COL25A1: variants seen among roughly 807,000 people sequenced by gnomAD.
COL25A1 encodes collagen alpha-1(XXV) chain.
Under a neutral mutation model 128.4 loss-of-function variants are expected in COL25A1, and 103 were observed. The ratio of observed to expected loss-of-function variants is 0.80; its 90% CI spans 0.68 to 0.94. The LOEUF (loss-of-function observed/expected upper bound fraction) is 0.94, where lower values mean the gene tolerates loss of function less well. COL25A1 is among the 40% of genes least tolerant of loss of function. The pLI, the probability that COL25A1 is intolerant of heterozygous loss-of-function variation, is 0.00. For missense variants in COL25A1, 745 were observed against 840.0 expected, an observed-to-expected ratio of 0.89 and a Z score of 1.40; for synonymous variants, 279 against 277.2, an observed-to-expected ratio of 1.01 and a Z score of -0.06.
At position 109,084,035 on chromosome 4, in the gene COL25A1, A is replaced by T. The variant is rs116183487; in HGVS notation, c.368-33856T>A. Among the ~76,000 whole-genome samples the T allele has an allele frequency of 9.3e-3, 1,417 of 152,262 alleles. 25 individuals are homozygous for T. Among genetic ancestry groups the T allele is most frequent in the African/African-American group, 0.032 (1,338 of 41,544 alleles). ...AAAAAGGAATAATCCACTACACAAG[A>T]CTCATTTTGTGTCACAAACTCTACA... On this transcript the variant is annotated intron_variant, in intron 3 of 37. Transcript: ENST00000399132.
chr4:109,128,593 T>C (rs113755624), intron 3 of COL25A1, among the ~76,000 whole-genome samples: 21 of 152,298 alleles, frequency 1.4e-4, no homozygotes, highest in African/African-American at 4.1e-4. Context: ...GTTCGGGTCT[T>C]AAGCATGAGC....
At position 108,994,128 on chromosome 4, in the gene COL25A1, G is replaced by A. The variant is rs566085883; in HGVS notation, c.438+16230C>T. ...TTGGGCAGTGGGTGCAGCCCACAGA[G>A]GGCTACCTGAAGCAGGGAGGGGCAT... On this transcript the variant is annotated intron_variant, in intron 6 of 37. Coordinates refer to ENST00000399132, the MANE Select transcript of COL25A1 (RefSeq NM_198721.4). Among the ~76,000 whole-genome samples the A allele has an allele frequency of 5.3e-5, 8 of 152,300 alleles. No homozygotes were observed. In the East Asian group the frequency reaches 1.5e-3, roughly 29 times the overall value.
At chr4:109,216,711 A>T (rs6843308) in intron 3 of COL25A1, among the ~76,000 whole-genome samples, 13,145 of 152,184 alleles carry the variant, frequency 0.086, 1,184 homozygotes, top group African/African-American at 0.23. Context: ...GGCCCTGCCA[A>T]CATCTTGATT....
At chr4:108,927,707 C>T (rs1425870003) in intron 11 of COL25A1, among the ~76,000 whole-genome samples, 1 of 152,126 alleles carries the variant, frequency 6.6e-6, no homozygotes, top group Non-Finnish European at 1.5e-5. Context: ...TTCTCTATCT[C>T]ATGTGCTGAA....
intron 3 of COL25A1, among the ~76,000 whole-genome samples, chr4:109,210,187 A>T (rs1479858885): frequency 6.6e-6 from 1 of 152,160 alleles, no homozygotes; most frequent in Non-Finnish European, 1.5e-5. Context: ...CTCAAAAAAA[A>T]ATCACTAAGA....
chr4:109,192,383 C>T (rs1350164263), intron 3 of COL25A1, among the ~76,000 whole-genome samples: 3 of 152,062 alleles, frequency 2.0e-5, no homozygotes, highest in Non-Finnish European at 2.9e-5. Flanking sequence ...CAGTTATCAG[C>T]GGGAACAGGC....
chr4:109,196,230 C>T (rs1432985528), intron 3 of COL25A1, among the ~76,000 whole-genome samples: 2 of 152,128 alleles, frequency 1.3e-5, no homozygotes, highest in African/African-American at 4.8e-5. Flanking sequence ...AATCAGACAG[C>T]CTTCCTTTCC....
At chr4:108,901,250 C>T (rs1006907582) in intron 13 of COL25A1, 78 bp from the exon 14 acceptor site, 1 of 976,624 alleles carries the variant, frequency 1.0e-6, no homozygotes, top group Non-Finnish European at 1.6e-6. Context: ...AGGAGACAGC[C>T]ATCTAATAAT....
intron 3 of COL25A1, among the ~76,000 whole-genome samples, chr4:109,127,816 G>A (rs572373308): frequency 6.6e-6 from 1 of 152,098 alleles, no homozygotes; most frequent in Non-Finnish European, 1.5e-5. Context: ...GCTGCTTTGC[G>A]AGTAGAAAAA....
intron 19 of COL25A1, among the ~76,000 whole-genome samples, chr4:108,873,403 G>A (rs1739004709): frequency 6.6e-6 from 1 of 152,096 alleles, no homozygotes; most frequent in Non-Finnish European, 1.5e-5. Flanking sequence ...GCTTAGTTAA[G>A]ACTTACCATA....
intron 3 of COL25A1, among the ~76,000 whole-genome samples, chr4:109,224,615 A>G (rs1778659193): frequency 6.6e-6 from 1 of 152,180 alleles, no homozygotes; most frequent in South Asian, 2.1e-4. Flanking sequence ...TCAGTAGAAG[A>G]GTGATTCTCA....
intron 3 of COL25A1, among the ~76,000 whole-genome samples, chr4:109,211,262 ATATATATGAAACT>A (rs1777494309): frequency 2.1e-5 from 1 of 48,748 alleles, no homozygotes; most frequent in Non-Finnish European, 3.0e-5. Context: ...ATATATATGT[ATATATATGAAACT>A]ATATATATAT....
intron 30 of COL25A1, among the ~76,000 whole-genome samples, chr4:108,842,779 G>A (rs1362802191): frequency 3.9e-5 from 6 of 152,060 alleles, no homozygotes; most frequent in African/African-American, 1.2e-4. Context: ...CTATCTTATA[G>A]TAGAGGGAGT....
intron 8 of COL25A1, chr4:108,942,404 C>A: frequency 1.4e-6 from 1 of 731,260 alleles, no homozygotes; most frequent in Non-Finnish European, 2.3e-6. Flanking sequence ...ATCTGACATA[C>A]CATAAACAAA....
chr4:109,095,826 G>A lies in COL25A1; in HGVS notation c.368-45647C>T, dbSNP rs1343226285. 3.3e-5 allele frequency among the ~76,000 whole-genome samples: 5 copies of A among 152,118 alleles called. No individual in the cohort carries two copies. The East Asian group carries it at 9.6e-4, about 29-fold the overall frequency. ...GCACTTATATGGAAAAGTGAGAGAGGGGATCAGCTGTCATATGATCCCTGG... is the reference window on the plus strand; with the variant it reads ...GCACTTATATGGAAAAGTGAGAGAGAGGATCAGCTGTCATATGATCCCTGG... On this transcript the variant is annotated intron_variant, in intron 3 of 37. Transcript: ENST00000399132.
intron 19 of COL25A1, among the ~76,000 whole-genome samples, chr4:108,877,676 C>A (rs73840731): frequency 0.043 from 6,468 of 150,102 alleles, 374 homozygotes; most frequent in African/African-American, 0.13. Context: ...AAAAAAAAAA[C>A]AACACATGAA....
At chr4:109,150,038 A>G (rs1771342215) in intron 3 of COL25A1, among the ~76,000 whole-genome samples, 2 of 149,428 alleles carry the variant, frequency 1.3e-5, no homozygotes, top group Admixed American at 6.7e-5. Flanking sequence ...ATGTGTATGT[A>G]TGTGTGTATG....
intron 3 of COL25A1, among the ~76,000 whole-genome samples, chr4:109,216,575 G>C (rs1435392413): frequency 6.6e-6 from 1 of 152,084 alleles, no homozygotes; most frequent in African/African-American, 2.4e-5. Context: ...CACACAAAAG[G>C]AGGACAGCCA....
chr4:108,945,669 T>C (rs1748649468), intron 8 of COL25A1, among the ~76,000 whole-genome samples: 1 of 152,068 alleles, frequency 6.6e-6, no homozygotes, highest in African/African-American at 2.4e-5. Flanking sequence ...TTTTTGTTAT[T>C]GTTGTTGTTT....
Sources: gnomAD v4.1 joint callset for allele counts (sites outside exome capture counted in the v4.1 genomes callset) on GRCh38, gnomAD v4.1.1 for gene constraint, MANE v1.5 for transcripts, NCBI Gene and HGNC (gene_info 2026-07-23, HGNC 2026-07-21) for gene names.